Variants in ARHGAP26 observed in about 807,000 individuals in gnomAD.
ARHGAP26 encodes rho GTPase-activating protein 26.
In ARHGAP26, 38 loss-of-function variants were observed where a neutral mutation model predicts 104.8. The observed-to-expected ratio is 0.36, with a 90% CI of 0.28 to 0.48. The LOEUF (loss-of-function observed/expected upper bound fraction) is 0.48. ARHGAP26 is among the 20% of genes least tolerant of loss of function. ARHGAP26 has a pLI of 0.99. For synonymous variants in ARHGAP26, 341 were observed against 340.0 expected (o/e 1.00, Z -0.03); for missense variants, 704 against 947.9 (o/e 0.74, Z 3.38).
Position 143,147,317 on chromosome 5 carries a change from C to CA in ARHGAP26, c.1925dup (p.Pro643AlafsTer7), listed in dbSNP as rs757651552. The CA allele has an allele frequency of 6.2e-7, 1 of 1,613,958 alleles. No homozygotes were observed. Among genetic ancestry groups the CA allele is most frequent in the Non-Finnish European group, 8.5e-7 (1 of 1,179,978 alleles). ...CATCCTTAATTCCAGCAGCAGCTTACAGCCCAACATGAACTCCAGTGACCC... is the reference window on the plus strand; with the variant it reads ...CATCCTTAATTCCAGCAGCAGCTTACAAGCCCAACATGAACTCCAGTGACCC... On this transcript the variant is annotated frameshift_variant, in exon 20 of 23. Transcript: ENST00000645722. LOFTEE classifies it high-confidence loss of function.
chr5:143,014,721 A>G (rs1007512506), intron 12 of ARHGAP26, among the ~76,000 whole-genome samples: 4 of 152,174 alleles, frequency 2.6e-5, no homozygotes, highest in African/African-American at 4.8e-5. Flanking sequence ...ATGATTTCCA[A>G]GGGTACCTGT....
chr5:143,124,817 C>T (rs754703751), intron 18 of ARHGAP26, among the ~76,000 whole-genome samples: 3 of 152,184 alleles, frequency 2.0e-5, no homozygotes, highest in African/African-American at 7.2e-5. Context: ...GATTGTTGAC[C>T]GTTATCTCTG....
At chr5:143,112,650 A>G (rs900404215) in intron 17 of ARHGAP26, among the ~76,000 whole-genome samples, 4 of 152,106 alleles carry the variant, frequency 2.6e-5, no homozygotes, top group African/African-American at 9.7e-5. Context: ...CCATCTTTCT[A>G]CTTTTCAACT....
intron 21 of ARHGAP26, among the ~76,000 whole-genome samples, chr5:143,209,650 G>A (rs1343857168): frequency 6.6e-6 from 1 of 152,014 alleles, no homozygotes; most frequent in Non-Finnish European, 1.5e-5. Context: ...GCATGGTGGT[G>A]GGCGCCTGTA....
At chr5:143,093,986 G>A (rs1026396563) in intron 17 of ARHGAP26, among the ~76,000 whole-genome samples, 2 of 151,824 alleles carry the variant, frequency 1.3e-5, no homozygotes, top group Non-Finnish European at 2.9e-5. Context: ...GAAGTTCAAC[G>A]CCCCCCCATG....
At chr5:142,888,326 A>G (rs1335689775) in intron 5 of ARHGAP26, among the ~76,000 whole-genome samples, 2 of 152,160 alleles carry the variant, frequency 1.3e-5, no homozygotes, top group Middle Eastern at 3.2e-3. Context: ...TTGCCTGCTG[A>G]CCATGTTATT....
chr5:142,790,430 C>A (rs535037747), intron 1 of ARHGAP26, among the ~76,000 whole-genome samples: 1 of 152,204 alleles, frequency 6.6e-6, no homozygotes, highest in African/African-American at 2.4e-5. Context: ...TCATTGGAAT[C>A]ATGACCACCT....
chr5:142,956,396 C>A (rs1769237096), intron 11 of ARHGAP26, among the ~76,000 whole-genome samples: 1 of 151,952 alleles, frequency 6.6e-6, no homozygotes, highest in Non-Finnish European at 1.5e-5. Flanking sequence ...GACAACACAG[C>A]AAGAACTGGT....
chr5:142,922,469 G>A (rs1352962369), intron 10 of ARHGAP26, among the ~76,000 whole-genome samples: 2 of 152,042 alleles, frequency 1.3e-5, no homozygotes, highest in Non-Finnish European at 2.9e-5. Context: ...ATAATCATGA[G>A]AGTATTATTC....
At chr5:142,833,766 G>A (rs1768992500) in intron 1 of ARHGAP26, among the ~76,000 whole-genome samples, 1 of 152,230 alleles carries the variant, frequency 6.6e-6, no homozygotes, top group African/African-American at 2.4e-5. Context: ...TACAGAGTCT[G>A]TGTAATCTAC....
chr5:142,873,273 G>A (rs1391027406), intron 1 of ARHGAP26, 127 bp from the exon 2 acceptor site: 1 of 635,422 alleles, frequency 1.6e-6, no homozygotes, highest in Admixed American at 3.4e-5. Context: ...ATTCTTTTGT[G>A]CTTTGAAATG....
intron 5 of ARHGAP26, among the ~76,000 whole-genome samples, chr5:142,892,705 T>C (rs1477277026): frequency 1.3e-5 from 2 of 152,180 alleles, no homozygotes; most frequent in Non-Finnish European, 2.9e-5. Context: ...TATGTAATAA[T>C]CATACATATT....
rs549739639 is a variant in ARHGAP26, at chr5:142,893,847, C to T, written c.487-391C>T. 1.3e-4 allele frequency among the ~76,000 whole-genome samples: 19 copies of T among 151,500 alleles called. No homozygotes were observed. The South Asian group carries it at 3.3e-3, about 27-fold the overall frequency. On this transcript the variant is annotated intron_variant, in intron 5 of 22. Coordinates refer to ENST00000645722, the MANE Select transcript of ARHGAP26 (RefSeq NM_001135608.3). ...TTCCCTGATAATTAGTGATGTTGAA[C>T]GTTTTTTAATATACCCTTTGGCTAT...
At chr5:143,145,120 A>G (rs1305772549) in intron 19 of ARHGAP26, among the ~76,000 whole-genome samples, 1 of 152,198 alleles carries the variant, frequency 6.6e-6, no homozygotes, top group East Asian at 1.9e-4. Context: ...TTACTAATGG[A>G]TAGTAAGGGA....
chr5:143,133,657 CT>C (rs1213002124), intron 18 of ARHGAP26, among the ~76,000 whole-genome samples: 1 of 152,184 alleles, frequency 6.6e-6, no homozygotes, highest in Non-Finnish European at 1.5e-5. Context: ...ACAGTGGCTT[CT>C]ATTGAGCACA....
chr5:142,940,804 C>CGGT (rs1176667375), intron 11 of ARHGAP26, among the ~76,000 whole-genome samples: 4 of 151,948 alleles, frequency 2.6e-5, no homozygotes, highest in African/African-American at 9.7e-5. Context: ...TGGCCAGGTG[C>CGGT]GGTGGCTCAT....
chr5:143,039,591 G>A (rs1420173511), intron 13 of ARHGAP26, among the ~76,000 whole-genome samples: 1 of 151,260 alleles, frequency 6.6e-6, no homozygotes, highest in Non-Finnish European at 1.5e-5. Context: ...AAAGGTAGAG[G>A]CACAAAAATG....
intron 1 of ARHGAP26, among the ~76,000 whole-genome samples, chr5:142,869,917 C>G (rs998165841): frequency 2.0e-5 from 3 of 152,172 alleles, no homozygotes; most frequent in African/African-American, 7.2e-5. Flanking sequence ...AAACTTCTAG[C>G]TGCTTCCATA....
intron 11 of ARHGAP26, among the ~76,000 whole-genome samples, chr5:142,960,194 G>C (rs986884803): frequency 1.3e-5 from 2 of 152,174 alleles, no homozygotes; most frequent in East Asian, 3.8e-4. Flanking sequence ...CAGTGATCTG[G>C]GTTTACATAC....
Sources: allele counts gnomAD v4.1 joint callset (sites outside exome capture counted in the v4.1 genomes callset), GRCh38; gene constraint gnomAD v4.1.1; transcripts MANE v1.5; gene names NCBI Gene and HGNC (gene_info 2026-07-23, HGNC 2026-07-21).